The following OTOF variants were observed in gnomAD, a reference collection of about 807,000 sequenced individuals.
OTOF encodes the protein fer-1-like family member 2.
In OTOF, 218 loss-of-function variants were observed where a neutral mutation model predicts 236.8. The observed-to-expected ratio is 0.92, with a 90% CI of 0.82 to 1.03. OTOF has a LOEUF of 1.03. Among genes scored for constraint, OTOF ranks in the 50% least tolerant of loss-of-function variants. OTOF has a pLI of 0.00. For synonymous variants in OTOF, 1,041 were observed against 1,072.5 expected (o/e 0.97, Z 0.57); for missense variants, 2,590 against 2,694.4 (o/e 0.96, Z 0.86).
chr2:26,547,461 T>C (rs1228578623), intron 1 of OTOF, among the ~76,000 whole-genome samples: 1 of 152,214 alleles, frequency 6.6e-6, no homozygotes, highest in Non-Finnish European at 1.5e-5. Context: ...GTTTTGATAA[T>C]AAAAAATGAA....
In OTOF at chr2:26,516,572, G is replaced by A; in HGVS notation, c.355C>T (p.Gln119Ter). The change falls in exon 5 of 47, where the codon CAG becomes TAG. Residue 119 changes from glutamine (Q) to a stop codon, truncating the protein, a stop_gained. Coordinates refer to ENST00000272371, the MANE Select transcript of OTOF (RefSeq NM_194248.3). LOFTEE classifies it high-confidence loss of function. ...KTSLCVEVRY[Q>*]ATDGTVGSWD... The stretch of plus-strand genomic sequence containing the variant: ...GAGCCCACTGTGCCGTCAGTGGCCT[G>A]ATACCGGACCTCCACGCACAGGCTG... 1 of 1,609,066 alleles carries A rather than the reference G, an allele frequency of 6.2e-7. No individual in the cohort carries two copies. The highest frequency in any genetic ancestry group is 1.1e-5 in the South Asian group (1 of 91,078).
intron 1 of OTOF, among the ~76,000 whole-genome samples, chr2:26,541,633 CA>C (rs1461885488): frequency 6.6e-6 from 1 of 152,184 alleles, no homozygotes; most frequent in African/African-American, 2.4e-5. Context: ...TCCAAGTGAT[CA>C]GGGGGATGAC....
chr2:26,467,295 C>G (rs1309184375), intron 34 of OTOF, 62 bp from the exon 35 acceptor site: 2 of 1,613,650 alleles, frequency 1.2e-6, no homozygotes, highest in Non-Finnish European at 8.5e-7. Context: ...CCTGCCCCAC[C>G]TGCAGGATCA....
Position 26,476,017 on chromosome 2 carries a change from C to T in OTOF, c.2888G>A (p.Arg963Gln), listed in dbSNP as rs770588695. Reference sequence around the variant, plus strand: ...GCTGCGGGCCTGGTACATGTGCGCTCGGAGCTGGAACGCCTGCTTCTCTGT... The same window carrying T: ...GCTGCGGGCCTGGTACATGTGCGCTTGGAGCTGGAACGCCTGCTTCTCTGT... ...VYTKKQAFQL[R>Q]AHMYQARSLF... Residue 963 changes from arginine to glutamine, a missense_variant, in exon 24 of 47, where the codon CGA becomes CAA. By Grantham distance (43) the Arg-to-Gln change is conservative (BLOSUM62 1). Transcript: ENST00000272371. 142 of 1,612,536 alleles carry T rather than the reference C, an allele frequency of 8.8e-5. No homozygotes were observed. Among genetic ancestry groups the T allele is most frequent in the Middle Eastern group, 1.6e-4 (1 of 6,084 alleles).
intron 1 of OTOF, among the ~76,000 whole-genome samples, chr2:26,542,998 T>C (rs1195148558): frequency 6.6e-6 from 1 of 152,156 alleles, no homozygotes; most frequent in Non-Finnish European, 1.5e-5. Context: ...GCTATTTCCT[T>C]GTGTTATTTA....
chr2:26,557,430 C>T (rs1667620363), intron 1 of OTOF, among the ~76,000 whole-genome samples: 1 of 152,180 alleles, frequency 6.6e-6, no homozygotes, highest in African/African-American at 2.4e-5. Context: ...TGGTGAAGGA[C>T]AGAGTCAGCC....
At position 26,461,368 on chromosome 2, in the gene OTOF, C is replaced by T. The variant is rs1156270307; in HGVS notation, c.5533+328G>A. On this transcript the variant is annotated intron_variant, in intron 43 of 46. Transcript: ENST00000272371. The surrounding 1 kb of genome is among the most constrained non-coding windows in gnomAD (Gnocchi z 6.2). ...TGCAGATTAGAGTTTTAGGGAGAATCCCTGCTTTACAGAGAAGCAACCTGA... is the reference window on the plus strand; with the variant it reads ...TGCAGATTAGAGTTTTAGGGAGAATTCCTGCTTTACAGAGAAGCAACCTGA... 6.6e-6 allele frequency among the ~76,000 whole-genome samples: 1 copy of T among 152,230 alleles called. No individual in the cohort carries two copies. Among genetic ancestry groups the T allele is most frequent in the African/African-American group, 2.4e-5 (1 of 41,458 alleles).
At chr2:26,518,900 C>T (rs183723122) in intron 4 of OTOF, 110 bp downstream of exon 4, 11 of 791,982 alleles carry the variant, frequency 1.4e-5, no homozygotes, top group African/African-American at 1.2e-4. Flanking sequence ...TGCGACACCT[C>T]GCCATGCATG....
intron 5 of OTOF, among the ~76,000 whole-genome samples, chr2:26,509,621 A>G (rs944585234): frequency 6.6e-6 from 1 of 152,144 alleles, no homozygotes; most frequent in Admixed American, 6.5e-5. Context: ...CCCTCAACAC[A>G]CAATCCTGAT....
intron 8 of OTOF, among the ~76,000 whole-genome samples, chr2:26,500,071 C>T (rs985008251): frequency 6.6e-6 from 1 of 152,136 alleles, no homozygotes; most frequent in Non-Finnish European, 1.5e-5. Context: ...GAAGATGAAC[C>T]AGGGACCCGA....
chr2:26,519,746 T>A (rs1202996635), intron 3 of OTOF, among the ~76,000 whole-genome samples: 2 of 152,182 alleles, frequency 1.3e-5, no homozygotes, highest in Admixed American at 6.5e-5. Context: ...GCAACTTCCT[T>A]AAGCTCTCTC....
chr2:26,496,409 AT>A (rs57785519), intron 8 of OTOF, among the ~76,000 whole-genome samples: 12 of 146,938 alleles, frequency 8.2e-5, no homozygotes, highest in Admixed American at 1.4e-4. Context: ...TAATTTTTGT[AT>A]TTTTTTTTTA....
chr2:26,516,704 C>T lies in OTOF; in HGVS notation c.328-105G>A, dbSNP rs577434957. 335 of 1,224,272 alleles carry T rather than the reference C, an allele frequency of 2.7e-4. 2 individuals carry two copies. The South Asian group carries it at 4.1e-3, about 15-fold the overall frequency. 75.8% of individuals were successfully genotyped at this position (1,224,272 alleles called of 1,614,324 possible). A position where few individuals can be genotyped will look rare whatever the true frequency, so the allele number is the denominator to read the frequency against. On this transcript the variant is annotated intron_variant, in intron 4 of 46. Transcript: ENST00000272371. ...TTTACACAGCGCTTCCACACCCTTG[C>T]CTCACTGGAGGAGGTCAGGATGGTA...
intron 1 of OTOF, among the ~76,000 whole-genome samples, chr2:26,546,161 A>G (rs1667324446): frequency 6.6e-6 from 1 of 152,214 alleles, no homozygotes; most frequent in African/African-American, 2.4e-5. Flanking sequence ...AGGAAAAAAG[A>G]TAAGGAAGAG....
In OTOF at chr2:26,463,653, T is replaced by C. The variant is rs1000114483; in HGVS notation, c.5104-82A>G. On this transcript the variant is annotated intron_variant, in intron 40 of 46. Transcript: ENST00000272371. ...TCAGCTCTCCTCTCCCTCCTAACCT[T>C]TGTTCTGTCAAGGACCCAGTTCATC... is the stretch of plus-strand genomic sequence containing the variant. 4 of 1,202,690 alleles carry C rather than the reference T, an allele frequency of 3.3e-6. No homozygotes were observed. In the African/African-American group the frequency reaches 4.5e-5, roughly 14 times the overall value. The allele number at this position is 1,202,690 out of a possible 1,614,324, so 74.5% of individuals were successfully genotyped here. A position where few individuals can be genotyped will look rare whatever the true frequency, so the allele number is the denominator to read the frequency against.
At position 26,473,515 on chromosome 2, in the gene OTOF, T is replaced by C. The variant is rs1665102132; in HGVS notation, c.3461A>G (p.Asp1154Gly). The change falls in exon 28 of 47, where the codon GAC becomes GGC. Residue 1154 changes from aspartate (D) to glycine (G), a missense_variant. Coordinates refer to ENST00000272371, the MANE Select transcript of OTOF (RefSeq NM_194248.3). The surrounding 1 kb of genome is among the most constrained non-coding windows in gnomAD (Gnocchi z 7.2). Reference protein sequence around the residue: ...DLKRVNLAQVDRPRVDIECAG... With the variant: ...DLKRVNLAQVGRPRVDIECAG... ...ACACTCGATGTCCACCCGTGGCCGGTCCACCTGGGCCAGGTTCACCCGCTT... is the reference window on the plus strand; with the variant it reads ...ACACTCGATGTCCACCCGTGGCCGGCCCACCTGGGCCAGGTTCACCCGCTT... 6.2e-7 allele frequency: 1 copy of C among 1,612,498 alleles called. No individual in the cohort carries two copies. The highest frequency in any genetic ancestry group is 8.5e-7 in the Non-Finnish European group (1 of 1,179,926).
chr2:26,527,595 G>A (rs570410198), intron 3 of OTOF, among the ~76,000 whole-genome samples: 20 of 152,208 alleles, frequency 1.3e-4, no homozygotes, highest in Non-Finnish European at 2.6e-4. Context: ...GTGATAGGAG[G>A]GTGGAGTGTT....
intron 35 of OTOF, 47 bp downstream of exon 35, chr2:26,467,052 G>GC (rs1558472828): frequency 1.3e-6 from 2 of 1,576,472 alleles, no homozygotes; most frequent in East Asian, 2.3e-5. Context: ...TGTGGGGGGG[G>GC]CAAGGGCTGG....
At chr2:26,488,317 C>T (rs1444858063) in intron 11 of OTOF, among the ~76,000 whole-genome samples, 3 of 152,192 alleles carry the variant, frequency 2.0e-5, no homozygotes, top group Non-Finnish European at 2.9e-5. Context: ...AAATTATGTT[C>T]TCACTGTCAA....
Sources: gnomAD v4.1 joint callset for allele counts (sites outside exome capture counted in the v4.1 genomes callset) on GRCh38, gnomAD v4.1.1 for gene constraint, Gnocchi (gnomAD v3.1) non-coding constraint, MANE v1.5 for transcripts, NCBI Gene and HGNC (gene_info 2026-07-23, HGNC 2026-07-21) for gene names.